The following GALNT10 variants were observed in gnomAD, a reference collection of about 807,000 sequenced individuals.
GALNT10 encodes the protein GalNAc transferase 10.
In GALNT10, 41 loss-of-function variants were observed where a neutral mutation model predicts 75.0. The observed-to-expected ratio is 0.55, with a 90% CI of 0.43 to 0.71. The LOEUF is 0.71. GALNT10 is among the 30% of genes least tolerant of loss of function. The pLI is 0.00. For synonymous variants in GALNT10, 302 were observed against 313.0 expected, an observed-to-expected ratio of 0.96 and a Z score of 0.37; for missense variants, 727 against 818.5, an observed-to-expected ratio of 0.89 and a Z score of 1.36.
rs1394748135 is a variant in GALNT10 at position 154,190,936 on chromosome 5, A to G, written c.70A>G (p.Asn24Asp). 1.3e-6 allele frequency: 2 copies of G among 1,506,882 alleles called. No homozygotes were observed. Among genetic ancestry groups the G allele is most frequent in the Non-Finnish European group, 1.8e-6 (2 of 1,130,058 alleles). The allele number at this position is 1,506,882 out of a possible 1,614,324, so 93.3% of individuals were successfully genotyped here. A position where few individuals can be genotyped will look rare whatever the true frequency, so the allele number is the denominator to read the frequency against. Reference sequence around the variant, plus strand: ...GCTGGCGGCCCTGGTCCTCCTGCCCAACGTGGGGCTTTGGGCGCTGTACCG... The same window carrying G: ...GCTGGCGGCCCTGGTCCTCCTGCCCGACGTGGGGCTTTGGGCGCTGTACCG... ...LVLAALVLLP[N>D]VGLWALYRER... is the part of the protein sequence containing the mutation. The change falls in exon 1 of 12, where the codon AAC becomes GAC. Residue 24 changes from asparagine to aspartate, a missense_variant. Transcript: ENST00000297107.
At chr5:154,368,459 A>G (rs1755512378) in intron 4 of GALNT10, among the ~76,000 whole-genome samples, 1 of 152,196 alleles carries the variant, frequency 6.6e-6, no homozygotes, top group Non-Finnish European at 1.5e-5. Flanking sequence ...TATCAAAAAG[A>G]AGAGGAGGAG....
At chr5:154,239,754 C>G (rs1017213485) in intron 1 of GALNT10, among the ~76,000 whole-genome samples, 2 of 152,222 alleles carry the variant, frequency 1.3e-5, no homozygotes, top group Non-Finnish European at 2.9e-5. Context: ...GGGAAGAAAA[C>G]ACCTTGAGTT....
intron 4 of GALNT10, among the ~76,000 whole-genome samples, chr5:154,330,218 C>G (rs1754834210): frequency 6.6e-6 from 1 of 152,208 alleles, no homozygotes; most frequent in South Asian, 2.1e-4. Context: ...GCAAAGGGCA[C>G]AAAGCCTTCA....
chr5:154,246,005 G>C (rs1753416945), intron 1 of GALNT10, among the ~76,000 whole-genome samples: 1 of 145,714 alleles, frequency 6.9e-6, no homozygotes, highest in Non-Finnish European at 1.5e-5. Flanking sequence ...TCCCCTTCCT[G>C]TGTCCATGTG....
intron 3 of GALNT10, among the ~76,000 whole-genome samples, chr5:154,320,909 G>A (rs369940703): frequency 1.1e-4 from 17 of 152,288 alleles, no homozygotes; most frequent in African/African-American, 3.6e-4. Flanking sequence ...CAGATGCAAC[G>A]GTTAAGTCAG....
chr5:154,231,973 C>G (rs916664838), intron 1 of GALNT10, among the ~76,000 whole-genome samples: 12 of 152,228 alleles, frequency 7.9e-5, no homozygotes, highest in African/African-American at 2.9e-4. Flanking sequence ...CATGTCCTCA[C>G]TGTATATCAG....
chr5:154,340,447 G>A (rs1055124994), intron 4 of GALNT10, among the ~76,000 whole-genome samples: 3 of 152,150 alleles, frequency 2.0e-5, no homozygotes, highest in Admixed American at 1.3e-4. Context: ...TGTGTGCCCC[G>A]CCTGCTAAAT....
chr5:154,307,348 G>A lies in GALNT10; in HGVS notation c.401+9269G>A, dbSNP rs550057966. Among the ~76,000 whole-genome samples the A allele has an allele frequency of 1.1e-4, 17 of 152,274 alleles. No homozygotes were observed. In the South Asian group the frequency reaches 1.7e-3, roughly 15 times the overall value. ...ATTCTGGCCGGGTGTGGTGGTTCAC[G>A]CCTGTAATCCCAGCTTTGTAATCCC... is the stretch of plus-strand genomic sequence containing the variant. On this transcript the variant is annotated intron_variant, in intron 3 of 11. Transcript: ENST00000297107.
In GALNT10 at chr5:154,289,743, G is replaced by A. The variant is rs1472822898; in HGVS notation, c.160-5073G>A. 3.9e-5 allele frequency among the ~76,000 whole-genome samples: 6 copies of A among 152,270 alleles called. No individual in the cohort carries two copies. The East Asian group carries it at 1.2e-3, about 29-fold the overall frequency. ...TCCTATCTGTAGACATTTTTACTTA[G>A]TAGGTTCAGGGTGTGAGTCCAGGAA... On this transcript the variant is annotated intron_variant, in intron 1 of 11. Coordinates refer to ENST00000297107, the MANE Select transcript of GALNT10 (RefSeq NM_198321.4).
At chr5:154,238,021 G>C (rs1284837508) in intron 1 of GALNT10, among the ~76,000 whole-genome samples, 1 of 152,044 alleles carries the variant, frequency 6.6e-6, no homozygotes, top group Non-Finnish European at 1.5e-5. Flanking sequence ...AAACATTATT[G>C]GCTGCTGCCT....
At chr5:154,205,717 G>A (rs937231182) in intron 1 of GALNT10, among the ~76,000 whole-genome samples, 1 of 152,206 alleles carries the variant, frequency 6.6e-6, no homozygotes, top group African/African-American at 2.4e-5. Context: ...ATAAGAAGAG[G>A]AGAAGAGATG....
At chr5:154,369,574 C>G (rs1227313486) in intron 4 of GALNT10, among the ~76,000 whole-genome samples, 1 of 152,172 alleles carries the variant, frequency 6.6e-6, no homozygotes, top group Admixed American at 6.5e-5. Flanking sequence ...AAAGATGATG[C>G]TGTTTACTAA....
In GALNT10 at chr5:154,415,722, A is replaced by G. The variant is rs920745247; in HGVS notation, c.1504-61A>G. On this transcript the variant is annotated intron_variant, in intron 10 of 11. Transcript: ENST00000297107. The stretch of plus-strand genomic sequence containing the variant: ...TAAATTTTTCCATAATTTAAAAAAA[A>G]TGGAGAAAAAAAGAAAGTCCTTGGC... 1.6e-5 allele frequency: 23 copies of G among 1,411,456 alleles called. No individual in the cohort carries two copies. In the African/African-American group the frequency reaches 2.4e-4, roughly 14 times the overall value. The allele number at this position is 1,411,456 out of a possible 1,614,324, so 87.4% of individuals were successfully genotyped here.
intron 4 of GALNT10, among the ~76,000 whole-genome samples, chr5:154,373,168 AC>A (rs944340555): frequency 1.3e-5 from 2 of 152,076 alleles, no homozygotes; most frequent in African/African-American, 4.8e-5. Flanking sequence ...TCCCTTCCAA[AC>A]CCATCAGTGT....
chr5:154,316,914 A>G (rs1356399880), intron 3 of GALNT10, among the ~76,000 whole-genome samples: 1 of 152,208 alleles, frequency 6.6e-6, no homozygotes, highest in African/African-American at 2.4e-5. Flanking sequence ...GAGAGAACTG[A>G]AATCAGGAGC....
chr5:154,252,395 A>G (rs1386715007), intron 1 of GALNT10, among the ~76,000 whole-genome samples: 2 of 152,146 alleles, frequency 1.3e-5, no homozygotes, highest in Non-Finnish European at 2.9e-5. Context: ...CTGAGTACTT[A>G]GATATTGATA....
At chr5:154,397,771 C>G (rs546465962) in intron 7 of GALNT10, among the ~76,000 whole-genome samples, 2 of 152,370 alleles carry the variant, frequency 1.3e-5, no homozygotes, top group African/African-American at 4.8e-5. Flanking sequence ...TATCTCTGGG[C>G]AGGTCGGGTG....
chr5:154,376,243 T>C lies in GALNT10; in HGVS notation c.569-34T>C. The C allele has an allele frequency of 7.0e-7, 1 of 1,423,666 alleles. No homozygotes were observed. Among genetic ancestry groups the C allele is most frequent in the South Asian group, 1.2e-5 (1 of 84,502 alleles). 88.2% of individuals were successfully genotyped at this position (1,423,666 alleles called of 1,614,324 possible). A position where few individuals can be genotyped will look rare whatever the true frequency, so the allele number is the denominator to read the frequency against. Reference sequence around the variant, plus strand: ...GTCATAAGGATGACTACTAAGCAACTGTTCTCACTCTTCTGTCCTCTTCTG... The same window carrying C: ...GTCATAAGGATGACTACTAAGCAACCGTTCTCACTCTTCTGTCCTCTTCTG... On this transcript the variant is annotated intron_variant, in intron 4 of 11. Transcript: ENST00000297107. This position sits in a 1 kb window ranked among gnomAD's most constrained non-coding sequence, Gnocchi z 4.1.
chr5:154,404,208 C>T lies in GALNT10; in HGVS notation c.1161C>T (p.Ala387=). ...AGGTCCCGGCCGGAGTCAGCCTGGC[C>T]CGGGTAAGGTGGTGGCTTTCCTTGG... ...PYKVPAGVSL[A]RNLKRVAEVW... is the part of the protein sequence containing the mutation. Residue 387 remains alanine (A), a synonymous_variant, in exon 8 of 12, where the codon GCC becomes GCT. Transcript: ENST00000297107. 1 of 1,587,068 alleles carries T rather than the reference C, an allele frequency of 6.3e-7. No homozygotes were observed. The highest frequency in any genetic ancestry group is 8.6e-7 in the Non-Finnish European group (1 of 1,163,762).
Sources: gnomAD v4.1 joint callset for allele counts (sites outside exome capture counted in the v4.1 genomes callset) on GRCh38, gnomAD v4.1.1 for gene constraint, Gnocchi (gnomAD v3.1) non-coding constraint, MANE v1.5 for transcripts, NCBI Gene and HGNC (gene_info 2026-07-23, HGNC 2026-07-21) for gene names.